Variants in CAGE1 observed in about 807,000 individuals in gnomAD.
The protein encoded by CAGE1 is cancer antigen 1, also known as cancer-associated gene 1 protein.
In CAGE1, 66 loss-of-function variants were observed where a neutral mutation model predicts 94.9. The observed-to-expected ratio is 0.70, with a 90% CI of 0.57 to 0.85. CAGE1 has a LOEUF of 0.85. Among genes scored for constraint, CAGE1 ranks in the 40% least tolerant of loss-of-function variants. The pLI, the probability that CAGE1 is intolerant of heterozygous loss-of-function variation, is 0.00. For missense variants in CAGE1, 865 were observed against 950.4 expected (o/e 0.91, Z 1.18); for synonymous variants, 319 against 321.0 (o/e 0.99, Z 0.07).
At chr6:7,383,011 A>T (rs1164305288) in intron 3 of CAGE1, among the ~76,000 whole-genome samples, 1 of 152,122 alleles carries the variant, frequency 6.6e-6, no homozygotes, top group Non-Finnish European at 1.5e-5. Flanking sequence ...TGTAATCCCC[A>T]CGTATTGAGG....
rs1554137564 is a variant in CAGE1 at position 7,347,504 on chromosome 6, G to GC, written c.2369+7536_2369+7537insG. The GC allele has an allele frequency of 9.3e-5, 4 of 42,920 alleles. No individual in the cohort carries two copies. The South Asian group carries it at 1.9e-3, about 20-fold the overall frequency. 2.7% of individuals were successfully genotyped at this position (42,920 alleles called of 1,614,324 possible). ...CCCCACAGGGATCCAAAGCGAGGGT[G>GC]GGGGGGGGGGTTGGGGGGGGCGGTG... On this transcript the variant is annotated intron_variant, in intron 11 of 13. Transcript: ENST00000502583.
At chr6:7,330,154 C>G (rs1477500665) in intron 12 of CAGE1, among the ~76,000 whole-genome samples, 2 of 152,048 alleles carry the variant, frequency 1.3e-5, no homozygotes, top group Non-Finnish European at 2.9e-5. Flanking sequence ...TTGGGAGGCC[C>G]AGGTGGGTGG....
At chr6:7,329,184 C>T (rs62387870) in intron 13 of CAGE1, 51,656 of 398,562 alleles carry the variant, frequency 0.13, 3,678 homozygotes, top group Middle Eastern at 0.17. Context: ...CCACCCGCCT[C>T]GGCCTCCCAA....
chr6:7,345,245 A>G (rs1581667206), intron 11 of CAGE1, among the ~76,000 whole-genome samples: 1 of 127,732 alleles, frequency 7.8e-6, no homozygotes, highest in South Asian at 2.1e-4. Context: ...AAGAAGAAGG[A>G]ACAACTCCAG....
At chr6:7,331,223 G>A (rs902265926) in intron 12 of CAGE1, 82 of 408,318 alleles carry the variant, frequency 2.0e-4, no homozygotes, top group South Asian at 1.3e-3. Flanking sequence ...TTGGGGTCAC[G>A]GTAAGATACA....
intron 12 of CAGE1, chr6:7,331,351 C>G (rs1758747530): frequency 1.9e-6 from 2 of 1,048,320 alleles, no homozygotes; most frequent in Admixed American, 5.0e-5. Context: ...CTGGACAAGG[C>G]AAATCCCAGG....
Position 7,373,525 on chromosome 6 carries a change from T to A in CAGE1, c.1294A>T (p.Asn432Tyr), listed in dbSNP as rs781228739. ...ERYMTEMQQK[N>Y]KSVSQYLEMD... ...TCTAAATACTGACTTACAGATTTAT[T>A]TTTTTGTTGCATTTCAGTCATGTAC... The change falls in exon 5 of 14, where the codon AAT becomes TAT. Residue 432 changes from asparagine to tyrosine, a missense_variant. Asn to Tyr is a moderately radical substitution (Grantham distance 143). Transcript: ENST00000502583. The A allele has an allele frequency of 6.2e-7, 1 of 1,613,756 alleles. No individual in the cohort carries two copies. Among genetic ancestry groups the A allele is most frequent in the Non-Finnish European group, 8.5e-7 (1 of 1,179,842 alleles).
chr6:7,355,137 TA>T, intron 10 of CAGE1, 26 bp from the exon 11 acceptor site: 3 of 1,485,188 alleles, frequency 2.0e-6, no homozygotes, highest in Non-Finnish European at 1.8e-6. Context: ...CTAAACCAAT[TA>T]TTTTTCATTC....
intron 3 of CAGE1, among the ~76,000 whole-genome samples, chr6:7,384,717 C>T (rs1054998494): frequency 6.6e-6 from 1 of 150,732 alleles, no homozygotes; most frequent in Non-Finnish European, 1.5e-5. Context: ...ACACACAGCT[C>T]TCTTTTTTTT....
intron 11 of CAGE1, among the ~76,000 whole-genome samples, chr6:7,335,279 A>G (rs1249362896): frequency 6.6e-6 from 1 of 152,172 alleles, no homozygotes; most frequent in African/African-American, 2.4e-5. Context: ...ATATAAGGTA[A>G]TGGTCACAGG....
chr6:7,387,198 T>G lies in CAGE1; in HGVS notation c.-23-2A>C, dbSNP rs1028346442. 1 of 1,503,910 alleles carries G rather than the reference T, an allele frequency of 6.6e-7. No individual in the cohort carries two copies. Among genetic ancestry groups the G allele is most frequent in the African/African-American group, 1.5e-5 (1 of 65,880 alleles). 93.2% of individuals were successfully genotyped at this position (1,503,910 alleles called of 1,614,324 possible). ...TAACTGTTGAACAATAGAAGACTTCTTTAAAAAAAAAATGTGTCTATTAGT... is the reference window on the plus strand; with the variant it reads ...TAACTGTTGAACAATAGAAGACTTCGTTAAAAAAAAAATGTGTCTATTAGT... On this transcript the variant is annotated splice_acceptor_variant, in intron 1 of 13. Coordinates refer to ENST00000502583, the MANE Select transcript of CAGE1 (RefSeq NM_001170692.2). LOFTEE classifies it low-confidence loss of function (5UTR_SPLICE).
intron 11 of CAGE1, among the ~76,000 whole-genome samples, chr6:7,354,076 A>T (rs1203789259): frequency 3.3e-5 from 5 of 152,116 alleles, no homozygotes; most frequent in Non-Finnish European, 7.4e-5. Context: ...CTGTACCCCA[A>T]TAACCTACGG....
chr6:7,364,985 T>A (rs1313299550), intron 9 of CAGE1, among the ~76,000 whole-genome samples: 2 of 152,224 alleles, frequency 1.3e-5, no homozygotes, highest in Non-Finnish European at 2.9e-5. Context: ...GAGATCCAAC[T>A]GAATTCCTAA....
At chr6:7,366,529 C>T (rs536148146) in intron 7 of CAGE1, among the ~76,000 whole-genome samples, 1 of 152,140 alleles carries the variant, frequency 6.6e-6, no homozygotes, top group Admixed American at 6.5e-5. Flanking sequence ...AATTTTGGTA[C>T]GCACTAGGCA....
chr6:7,370,372 C>A (rs1760498359), intron 5 of CAGE1, among the ~76,000 whole-genome samples: 1 of 152,140 alleles, frequency 6.6e-6, no homozygotes, highest in African/African-American at 2.4e-5. Context: ...TGGCTCACTG[C>A]AGCCTCAAAT....
rs1390730994 is a variant in CAGE1 at position 7,339,511 on chromosome 6, C to A, written c.2370-5421G>T. 10 of 819,156 alleles carry A rather than the reference C, an allele frequency of 1.2e-5. No homozygotes were observed. The Admixed American group carries it at 1.5e-4, about 12-fold the overall frequency. The allele number at this position is 819,156 out of a possible 1,614,324, so 50.7% of individuals were successfully genotyped here. A position where few individuals can be genotyped will look rare whatever the true frequency, so the allele number is the denominator to read the frequency against. On this transcript the variant is annotated intron_variant, in intron 11 of 13. Coordinates refer to ENST00000502583, the MANE Select transcript of CAGE1 (RefSeq NM_001170692.2). This position sits in a 1 kb window ranked among gnomAD's most constrained non-coding sequence, Gnocchi z 4.7. Reference sequence around the variant, plus strand: ...TCCTGAGTAAGAAACTCATTCATTTCAGCTTAGAAGATGCCATCAGTGACA... The same window carrying A: ...TCCTGAGTAAGAAACTCATTCATTTAAGCTTAGAAGATGCCATCAGTGACA...
intron 11 of CAGE1, among the ~76,000 whole-genome samples, chr6:7,344,354 C>T (rs902417213): frequency 6.6e-6 from 1 of 152,232 alleles, no homozygotes; most frequent in African/African-American, 2.4e-5. Flanking sequence ...AGGGGTTTAG[C>T]ACCCGGGCCA....
In CAGE1 at chr6:7,378,835, T is replaced by A. The variant is rs186472261; in HGVS notation, c.469A>T (p.Lys157Ter). Residue 157 changes from lysine (K) to a stop codon, truncating the protein, a stop_gained, in exon 4 of 14, where the codon AAG (lysine) becomes TAG (stop). Coordinates refer to ENST00000502583, the MANE Select transcript of CAGE1 (RefSeq NM_001170692.2). LOFTEE classifies it high-confidence loss of function. The stretch of plus-strand genomic sequence containing the variant: ...TTTTCTTCCTTAAATGAGTCTTGCT[T>A]TATATTGTTGTCTTTTGCATAATTA... ...VYNYAKDNNIKQDSFKEENPM... is the reference protein window; with the variant it reads ...VYNYAKDNNI 8.3e-4 allele frequency: 1,333 copies of A among 1,613,220 alleles called. 1 individual carries two copies. Among genetic ancestry groups the A allele is most frequent in the Non-Finnish European group, 1.1e-3 (1,282 of 1,179,468 alleles).
intron 11 of CAGE1, among the ~76,000 whole-genome samples, chr6:7,335,128 CTCTT>C (rs1758908006): frequency 6.6e-6 from 1 of 152,182 alleles, no homozygotes; most frequent in Admixed American, 6.6e-5. Flanking sequence ...GTCATGTTGA[CTCTT>C]TATCTTCTGT....
Sources: gnomAD v4.1 joint callset for allele counts (sites outside exome capture counted in the v4.1 genomes callset) on GRCh38, gnomAD v4.1.1 for gene constraint, Gnocchi (gnomAD v3.1) non-coding constraint, MANE v1.5 for transcripts, NCBI Gene and HGNC (gene_info 2026-07-23, HGNC 2026-07-21) for gene names.